The following CYSLTR1 variants were observed in gnomAD, a reference collection of about 807,000 sequenced individuals.
CYSLTR1 encodes G-protein coupled receptor HG55.
In CYSLTR1, 1 loss-of-function variant was observed where a neutral mutation model predicts 2.1. That is an observed-to-expected ratio of 0.48 (90% CI 0.17 to 2.28). CYSLTR1 has a LOEUF of 2.28. Ranked by LOEUF, CYSLTR1 falls within the 30% of genes most tolerant of loss-of-function variation. CYSLTR1 has a pLI of 0.26. For synonymous variants in CYSLTR1, 110 were observed against 89.6 expected (o/e 1.23, Z -1.28); for missense variants, 299 against 250.1 (o/e 1.20, Z -1.32).
At chrX:78,274,802 T>C (rs1187015357) in intron 2 of CYSLTR1, among the ~76,000 whole-genome samples, 6 of 110,760 alleles carry the variant, frequency 5.4e-5, no homozygotes, top group African/African-American at 1.6e-4. Flanking sequence ...ACCTACAGAA[T>C]GGGAGAAAAT....
At chrX:78,279,345 G>A (rs980863072) in intron 2 of CYSLTR1, among the ~76,000 whole-genome samples, 3 of 111,401 alleles carry the variant, frequency 2.7e-5, no homozygotes, top group African/African-American at 9.8e-5. Flanking sequence ...ACAAACATAC[G>A]AAAAAATGCT....
Position 78,272,847 on chromosome X carries a change from A to AC in CYSLTR1, c.899dup (p.Asn301Ter), listed in dbSNP as rs1310506059. On this transcript the variant is annotated frameshift_variant, in exon 3 of 3. Transcript: ENST00000373304. LOFTEE classifies it high-confidence loss of function. ...ATGTAGACAGCCTTTTCCTAAAGTT[A>AC]CCCCCAGAAAAGAAATATAGGAGAG... 64 of 1,209,045 alleles carry AC rather than the reference A, an allele frequency of 5.3e-5. No homozygotes were observed. The highest frequency in any genetic ancestry group is 7.2e-5 in the Non-Finnish European group (64 of 895,028).
chrX:78,280,532 G>C (rs762126387), intron 2 of CYSLTR1, among the ~76,000 whole-genome samples: 4 of 106,428 alleles, frequency 3.8e-5, no homozygotes, highest in Non-Finnish European at 3.9e-5. Context: ...TGTTGGGGGG[G>C]GGGTAAGAAT....
At chrX:78,294,153 C>A (rs749132018) in intron 1 of CYSLTR1, among the ~76,000 whole-genome samples, 2 of 112,261 alleles carry the variant, frequency 1.8e-5, no homozygotes, top group East Asian at 2.8e-4. Flanking sequence ...TGATGACGTA[C>A]AGATGTGGTT....
At chrX:78,286,695 A>G (rs1014828729) in intron 1 of CYSLTR1, among the ~76,000 whole-genome samples, 1 of 89,564 alleles carries the variant, frequency 1.1e-5, no homozygotes, top group Admixed American at 1.5e-4. Flanking sequence ...CTGTGTCCAT[A>G]TGTTCTCATT....
chrX:78,302,446 G>T (rs1345696282), intron 1 of CYSLTR1, among the ~76,000 whole-genome samples: 2 of 111,293 alleles, frequency 1.8e-5, no homozygotes, highest in Admixed American at 1.9e-4. Context: ...GCAAGACAAG[G>T]TTCATTTTTA....
intron 2 of CYSLTR1, among the ~76,000 whole-genome samples, chrX:78,274,146 T>A (rs1272257543): frequency 8.9e-6 from 1 of 111,773 alleles, no homozygotes; most frequent in African/African-American, 3.3e-5. Flanking sequence ...CAGTTTCACA[T>A]GTATGAATAT....
chrX:78,285,105 A>G (rs900735291), intron 1 of CYSLTR1, among the ~76,000 whole-genome samples: 1 of 111,494 alleles, frequency 9.0e-6, no homozygotes, highest in African/African-American at 3.3e-5. Context: ...TCCGTACATC[A>G]ATAAAGTTCT....
At chrX:78,310,506 A>G (rs1319014283) in intron 1 of CYSLTR1, among the ~76,000 whole-genome samples, 1 of 112,429 alleles carries the variant, frequency 8.9e-6, no homozygotes, top group Non-Finnish European at 1.9e-5. Flanking sequence ...GCCACTTAAT[A>G]TGTATCAATT....
At chrX:78,320,328 G>A (rs1416411380) in intron 1 of CYSLTR1, 1 of 111,741 alleles carries the variant, frequency 8.9e-6, no homozygotes, top group Non-Finnish European at 1.9e-5. Flanking sequence ...TTCTGCATAT[G>A]GCTAGCCAGT....
chrX:78,285,622 T>C (rs73226142), intron 1 of CYSLTR1, among the ~76,000 whole-genome samples: 6,154 of 111,611 alleles, frequency 0.055, 137 homozygotes, highest in East Asian at 0.086. Flanking sequence ...CTTAATGCAC[T>C]ATCTAGTTAT....
chrX:78,286,751 T>TA (rs1922092414), intron 1 of CYSLTR1, among the ~76,000 whole-genome samples: 1 of 108,458 alleles, frequency 9.2e-6, no homozygotes, highest in African/African-American at 3.4e-5. Flanking sequence ...TTTAAACTTT[T>TA]AAAAAAACTG....
At chrX:78,275,725 TATA>T (rs748147356) in intron 2 of CYSLTR1, among the ~76,000 whole-genome samples, 97 of 111,289 alleles carry the variant, frequency 8.7e-4, no homozygotes, top group Non-Finnish European at 1.5e-3. Flanking sequence ...GAACTTAAAG[TATA>T]ATAATAATAA....
intron 2 of CYSLTR1, among the ~76,000 whole-genome samples, chrX:78,278,116 G>T (rs763959535): frequency 8.9e-6 from 1 of 112,076 alleles, no homozygotes; most frequent in Non-Finnish European, 1.9e-5. Context: ...CTCTTTTCAA[G>T]AATTTCATAG....
rs1041596738 is a variant in CYSLTR1, at chrX:78,271,632, A to G, written c.*1101T>C. 3.6e-5 allele frequency: 4 copies of G among 112,065 alleles called. No homozygotes were observed. Among genetic ancestry groups the G allele is most frequent in the African/African-American group, 1.3e-4 (4 of 30,880 alleles). 9.2% of individuals were successfully genotyped at this position (112,065 alleles called of 1,213,427 possible). Reference sequence around the variant, plus strand: ...AGATCAAAGCGTCCACTGTAATATAAAAGTCACTGTAAACATATCCATGAT... The same window carrying G: ...AGATCAAAGCGTCCACTGTAATATAGAAGTCACTGTAAACATATCCATGAT... On this transcript the variant is annotated 3_prime_UTR_variant, in exon 3 of 3. Coordinates refer to ENST00000373304, the MANE Select transcript of CYSLTR1 (RefSeq NM_006639.4).
intron 1 of CYSLTR1, among the ~76,000 whole-genome samples, chrX:78,309,793 C>T (rs762274138): frequency 9.9e-5 from 11 of 111,338 alleles, no homozygotes; most frequent in Admixed American, 2.9e-4. Context: ...CCTCATGACC[C>T]GGAAAGTTAA....
chrX:78,289,038 T>G (rs1200121190), intron 1 of CYSLTR1, among the ~76,000 whole-genome samples: 7 of 110,604 alleles, frequency 6.3e-5, no homozygotes, highest in Non-Finnish European at 1.9e-5. Context: ...TAGGTATACA[T>G]GTGCCATGTT....
chrX:78,291,692 A>G (rs1922334794), intron 1 of CYSLTR1, among the ~76,000 whole-genome samples: 1 of 111,305 alleles, frequency 9.0e-6, no homozygotes, highest in Non-Finnish European at 1.9e-5. Flanking sequence ...TAGTCTTGGC[A>G]GGGTGTATGT....
intron 2 of CYSLTR1, among the ~76,000 whole-genome samples, chrX:78,275,053 G>A (rs1374701641): frequency 1.8e-5 from 2 of 111,235 alleles, no homozygotes; most frequent in Non-Finnish European, 3.8e-5. Flanking sequence ...CAGTTAGAAT[G>A]GCAATCATTA....
Sources: allele counts gnomAD v4.1 joint callset (sites outside exome capture counted in the v4.1 genomes callset), GRCh38; gene constraint gnomAD v4.1.1; transcripts MANE v1.5; gene names NCBI Gene and HGNC (gene_info 2026-07-23, HGNC 2026-07-21).